Variants in PCOLCE2 observed in about 807,000 individuals in gnomAD.
PCOLCE2 encodes procollagen C-proteinase enhancer 2.
In PCOLCE2, 42 loss-of-function variants were observed where a neutral mutation model predicts 47.0. That is an observed-to-expected ratio of 0.89 (90% CI 0.70 to 1.16). PCOLCE2 has a LOEUF of 1.16. Among genes scored for constraint, PCOLCE2 ranks in the 50% most tolerant of loss-of-function variants. The pLI is 0.00. For synonymous variants in PCOLCE2, 169 were observed against 191.7 expected, an observed-to-expected ratio of 0.88 and a Z score of 0.98; for missense variants, 500 against 526.1, an observed-to-expected ratio of 0.95 and a Z score of 0.49.
At chr3:142,883,113 T>C (rs886923593) in intron 2 of PCOLCE2, among the ~76,000 whole-genome samples, 2 of 137,872 alleles carry the variant, frequency 1.5e-5, no homozygotes, top group African/African-American at 2.7e-5. Flanking sequence ...GGCAGGAGAA[T>C]GGCATGAACC....
At position 142,838,843 on chromosome 3, in the gene PCOLCE2, C is replaced by G. The variant is rs1416879871; in HGVS notation, c.637G>C (p.Val213Leu). 1.2e-6 allele frequency: 2 copies of G among 1,612,754 alleles called. No homozygotes were observed. Among genetic ancestry groups the G allele is most frequent in the Admixed American group, 3.3e-5 (2 of 60,018 alleles). The change falls in exon 5 of 9, where the codon GTG (valine) becomes CTG (leucine). Residue 213 changes from valine (V) to leucine (L), a missense_variant. Val to Leu is a conservative substitution (Grantham distance 32, BLOSUM62 1). Transcript: ENST00000295992. ...ACTTCCCCGCCATTAAACACAGCCA[C>G]ATAATCATATCGGCAGTAGTTATCT... ...ERDNYCRYDY[V>L]AVFNGGEVND...
At chr3:142,870,361 C>T (rs946387799) in intron 2 of PCOLCE2, among the ~76,000 whole-genome samples, 13 of 152,276 alleles carry the variant, frequency 8.5e-5, no homozygotes, top group East Asian at 3.9e-4. Context: ...ATGAACGTGT[C>T]CCTGATTCTA....
intron 3 of PCOLCE2, among the ~76,000 whole-genome samples, chr3:142,847,902 A>G (rs2108197083): frequency 6.6e-6 from 1 of 152,348 alleles, no homozygotes; most frequent in South Asian, 2.1e-4. Context: ...ATAGAAAGGT[A>G]TGGGAACCAC....
chr3:142,851,629 G>A (rs1047741273), intron 2 of PCOLCE2, among the ~76,000 whole-genome samples: 3 of 152,124 alleles, frequency 2.0e-5, no homozygotes, highest in Non-Finnish European at 4.4e-5. Flanking sequence ...GTTATTTGGC[G>A]GAGAAGAGGT....
At chr3:142,852,154 A>C (rs1020619600) in intron 2 of PCOLCE2, among the ~76,000 whole-genome samples, 2 of 152,206 alleles carry the variant, frequency 1.3e-5, no homozygotes, top group Non-Finnish European at 2.9e-5. Flanking sequence ...TCTTGCACTG[A>C]AGGCCAGAGA....
intron 7 of PCOLCE2, among the ~76,000 whole-genome samples, chr3:142,821,614 T>A (rs1218497673): frequency 6.6e-6 from 1 of 152,104 alleles, no homozygotes; most frequent in Non-Finnish European, 1.5e-5. Context: ...TCTTCTACGG[T>A]CTTTCATATT....
chr3:142,847,248 TCAGA>T (rs1398299416), intron 3 of PCOLCE2, among the ~76,000 whole-genome samples: 2 of 152,188 alleles, frequency 1.3e-5, no homozygotes, highest in Non-Finnish European at 2.9e-5. Context: ...AGTTTAGCTG[TCAGA>T]CAAAGATTTC....
At chr3:142,823,408 T>C in intron 7 of PCOLCE2, 124 bp downstream of exon 7, 2 of 623,518 alleles carry the variant, frequency 3.2e-6, no homozygotes, top group East Asian at 5.3e-5. Context: ...TAGGCAAGTA[T>C]TTTCTTGGAT....
At chr3:142,872,526 T>C (rs1172873388) in intron 2 of PCOLCE2, among the ~76,000 whole-genome samples, 1 of 152,216 alleles carries the variant, frequency 6.6e-6, no homozygotes, top group Non-Finnish European at 1.5e-5. Context: ...TTTGGCTCAC[T>C]GATAATATCC....
rs1578042413 is a variant in PCOLCE2 at position 142,856,758 on chromosome 3, C to T, written c.193-8286G>A. Among the ~76,000 whole-genome samples the T allele has an allele frequency of 3.9e-5, 6 of 152,296 alleles. 1 individual carries two copies. In the South Asian group the frequency reaches 1.2e-3, roughly 32 times the overall value. Reference sequence around the variant, plus strand: ...TCACAGACATTTGTCTTGCAGTTTTCCTTTGGCCAGTGATACCCTGAGATC... The same window carrying T: ...TCACAGACATTTGTCTTGCAGTTTTTCTTTGGCCAGTGATACCCTGAGATC... On this transcript the variant is annotated intron_variant, in intron 2 of 8. Coordinates refer to ENST00000295992, the MANE Select transcript of PCOLCE2 (RefSeq NM_013363.4).
intron 5 of PCOLCE2, among the ~76,000 whole-genome samples, chr3:142,836,231 C>T (rs1411990748): frequency 6.6e-6 from 1 of 152,172 alleles, no homozygotes; most frequent in Non-Finnish European, 1.5e-5. Context: ...GCAAAACCAG[C>T]CAGTTTTCCT....
intron 3 of PCOLCE2, 87 bp downstream of exon 3, chr3:142,848,130 T>C: frequency 7.2e-7 from 1 of 1,385,262 alleles, no homozygotes; most frequent in Non-Finnish European, 1.0e-6. Flanking sequence ...GAACCACTCT[T>C]AAGCTTTAAA....
rs188811245 is a variant in PCOLCE2 at position 142,843,046 on chromosome 3, C to A, written c.451G>T (p.Asp151Tyr). The change falls in exon 4 of 9, where the codon GAT (aspartate) becomes TAT (tyrosine). Residue 151 changes from aspartate to tyrosine, a missense_variant and splice_region_variant. Transcript: ENST00000295992. ...FSAAEPNERG[D>Y]QYCGGLLDRP... ...TCAAGGAGTCCTCCACAATACTGAT[C>A]CCCTTCAAGTATTAAACAAGGAAAA... 2 of 1,613,264 alleles carry A rather than the reference C, an allele frequency of 1.2e-6. No individual in the cohort carries two copies. The highest frequency in any genetic ancestry group is 4.5e-5 in the East Asian group (2 of 44,880).
chr3:142,828,014 T>C (rs1408666693), intron 6 of PCOLCE2, among the ~76,000 whole-genome samples: 1 of 152,204 alleles, frequency 6.6e-6, no homozygotes, highest in African/African-American at 2.4e-5. Flanking sequence ...CTCTCATCTC[T>C]TGACTCTCTC....
chr3:142,880,197 T>C (rs1169909686), intron 2 of PCOLCE2, among the ~76,000 whole-genome samples: 1 of 149,602 alleles, frequency 6.7e-6, no homozygotes, highest in Non-Finnish European at 1.5e-5. Flanking sequence ...TTCAGGCAAC[T>C]GAAATAATGA....
chr3:142,860,882 A>T (rs1933169800), intron 2 of PCOLCE2, among the ~76,000 whole-genome samples: 1 of 152,126 alleles, frequency 6.6e-6, no homozygotes, highest in South Asian at 2.1e-4. Flanking sequence ...GTCACTCTCA[A>T]GGCCTGCAGC....
chr3:142,865,187 G>C (rs764154298), intron 2 of PCOLCE2, among the ~76,000 whole-genome samples: 1 of 151,280 alleles, frequency 6.6e-6, no homozygotes, highest in Non-Finnish European at 1.5e-5. Context: ...CATCCTAATG[G>C]GTATGAAGTA....
intron 2 of PCOLCE2, among the ~76,000 whole-genome samples, chr3:142,885,733 T>C (rs186115471): frequency 2.0e-5 from 3 of 152,366 alleles, no homozygotes; most frequent in Admixed American, 2.0e-4. Context: ...GCCTCTACTC[T>C]TAACTCCCTA....
At chr3:142,884,862 T>G (rs1328523892) in intron 2 of PCOLCE2, among the ~76,000 whole-genome samples, 3 of 152,252 alleles carry the variant, frequency 2.0e-5, no homozygotes, top group African/African-American at 7.2e-5. Flanking sequence ...ACAGAAATAC[T>G]ATATTACATA....
Sources: allele counts gnomAD v4.1 joint callset (sites outside exome capture counted in the v4.1 genomes callset), GRCh38; gene constraint gnomAD v4.1.1; transcripts MANE v1.5; gene names NCBI Gene and HGNC (gene_info 2026-07-23, HGNC 2026-07-21).